The following NDRG3 variants were observed in gnomAD, a reference collection of about 807,000 sequenced individuals.
NDRG3 encodes the protein protein NDRG3.
NDRG3 carries 23 observed loss-of-function variants against 57.2 expected under a neutral mutation model. The observed-to-expected ratio is 0.40, with a 90% CI of 0.29 to 0.57. The LOEUF (loss-of-function observed/expected upper bound fraction) is 0.57. Ranked by LOEUF, NDRG3 falls within the 20% of genes least tolerant of loss-of-function variation. The pLI, the probability that NDRG3 is intolerant of heterozygous loss-of-function variation, is 0.42. For missense variants in NDRG3, 384 were observed against 457.3 expected (o/e 0.84, Z 1.46); for synonymous variants, 132 against 162.6 (o/e 0.81, Z 1.43).
At chr20:36,721,930 T>C (rs1188487949) in intron 1 of NDRG3, 147 bp from the exon 2 acceptor site, 10 of 538,988 alleles carry the variant, frequency 1.9e-5, no homozygotes, top group Admixed American at 3.5e-5. Context: ...TTACGGCAGA[T>C]AGACACTAAC....
At chr20:36,688,887 C>G (rs970482583) in intron 3 of NDRG3, 103 bp from the exon 4 acceptor site, 1 of 811,232 alleles carries the variant, frequency 1.2e-6, no homozygotes, top group African/African-American at 1.7e-5. Context: ...CGAGCTGGGG[C>G]AGGACACATT....
rs147940381 is a variant in NDRG3, at chr20:36,695,879, CCT to C, written c.94-7097_94-7096del. ...CACACCCTATTCGTATACTCCCTCCCCTTTGAAAATCGCTAATAAAAACTTGC... is the reference window on the plus strand; with the variant it reads ...CACACCCTATTCGTATACTCCCTCCCTTGAAAATCGCTAATAAAAACTTGC... On this transcript the variant is annotated intron_variant, in intron 3 of 15. Coordinates refer to ENST00000349004, the MANE Select transcript of NDRG3 (RefSeq NM_032013.4). Among the ~76,000 whole-genome samples the C allele has an allele frequency of 6.5e-3, 984 of 152,250 alleles. 11 individuals carry two copies. Among genetic ancestry groups the C allele is most frequent in the African/African-American group, 0.022 (923 of 41,530 alleles).
Position 36,652,941 on chromosome 20 carries a change from C to T in NDRG3, c.*579G>A, listed in dbSNP as rs540751624. 9.2e-5 allele frequency: 14 copies of T among 152,538 alleles called. No homozygotes were observed. The highest frequency in any genetic ancestry group is 3.1e-4 in the African/African-American group (13 of 41,556). 9.4% of individuals were successfully genotyped at this position (152,538 alleles called of 1,614,324 possible). On this transcript the variant is annotated 3_prime_UTR_variant, in exon 16 of 16. Coordinates refer to ENST00000349004, the MANE Select transcript of NDRG3 (RefSeq NM_032013.4). The stretch of plus-strand genomic sequence containing the variant: ...CTACTGGTCACAATCAATCAATGGT[C>T]CAGACGGCAATTATGATTTTCCACA...
chr20:36,698,605 A>G (rs78935197), intron 3 of NDRG3, among the ~76,000 whole-genome samples: 1 of 151,810 alleles, frequency 6.6e-6, no homozygotes, highest in Non-Finnish European at 1.5e-5. Context: ...TTATGTATTG[A>G]AAAAAAAGCC....
At chr20:36,715,002 G>GTA (rs1984161199) in intron 2 of NDRG3, among the ~76,000 whole-genome samples, 21 of 39,582 alleles carry the variant, frequency 5.3e-4, no homozygotes, top group East Asian at 1.2e-3. Flanking sequence ...GTGTGTGTGT[G>GTA]TGTGTATATA....
chr20:36,700,487 G>T (rs751642313), intron 3 of NDRG3: 2 of 531,994 alleles, frequency 3.8e-6, no homozygotes, highest in South Asian at 2.8e-5. Flanking sequence ...TGAACAGCTT[G>T]AAAAAAACTC....
chr20:36,739,134 C>CAA (rs57208101), intron 1 of NDRG3, among the ~76,000 whole-genome samples: 46 of 87,218 alleles, frequency 5.3e-4, no homozygotes, highest in Admixed American at 9.5e-4. Flanking sequence ...GACCCCATCT[C>CAA]AAAAAAAAAA....
intron 13 of NDRG3, among the ~76,000 whole-genome samples, chr20:36,658,941 T>C (rs1212283936): frequency 1.3e-5 from 2 of 151,180 alleles, no homozygotes; most frequent in African/African-American, 2.4e-5. Flanking sequence ...CAATATTAAA[T>C]CATGTTGACG....
chr20:36,712,824 G>C (rs1386786417), intron 2 of NDRG3, among the ~76,000 whole-genome samples: 3 of 151,476 alleles, frequency 2.0e-5, no homozygotes, highest in Non-Finnish European at 4.4e-5. Flanking sequence ...TCCAACTTCT[G>C]GGCTCAAGCA....
chr20:36,693,221 T>C (rs1982485716), intron 3 of NDRG3, among the ~76,000 whole-genome samples: 1 of 142,330 alleles, frequency 7.0e-6, no homozygotes, highest in Non-Finnish European at 1.5e-5. Context: ...TATATATGTA[T>C]ATACGTATAT....
chr20:36,722,500 G>A (rs781706617), intron 1 of NDRG3, among the ~76,000 whole-genome samples: 1 of 152,204 alleles, frequency 6.6e-6, no homozygotes, highest in Non-Finnish European at 1.5e-5. Flanking sequence ...TGGAGCACAC[G>A]TTTTAGTTAC....
chr20:36,672,069 TAAC>T (rs1225007678), intron 8 of NDRG3, among the ~76,000 whole-genome samples: 1 of 152,216 alleles, frequency 6.6e-6, no homozygotes, highest in South Asian at 2.1e-4. Flanking sequence ...AGGACTAACT[TAAC>T]AATCACTCCC....
intron 1 of NDRG3, among the ~76,000 whole-genome samples, chr20:36,744,393 G>C (rs556098600): frequency 1.5e-4 from 22 of 144,104 alleles, no homozygotes; most frequent in Non-Finnish European, 2.5e-4. Context: ...GTAATGAAAA[G>C]GGGGGGTGGA....
chr20:36,676,915 C>G (rs1406555664), intron 8 of NDRG3, among the ~76,000 whole-genome samples: 1 of 152,268 alleles, frequency 6.6e-6, no homozygotes, highest in East Asian at 1.9e-4. Flanking sequence ...CCCAGGCCTC[C>G]TGCTCTATGG....
chr20:36,711,928 C>T (rs1291542659), intron 2 of NDRG3, among the ~76,000 whole-genome samples: 2 of 152,096 alleles, frequency 1.3e-5, no homozygotes, highest in Non-Finnish European at 2.9e-5. Context: ...TATAGGCACC[C>T]GCCACTGCGC....
chr20:36,738,822 CAAAA>C (rs1158908616), intron 1 of NDRG3, among the ~76,000 whole-genome samples: 1 of 81,794 alleles, frequency 1.2e-5, no homozygotes, highest in Non-Finnish European at 2.5e-5. Flanking sequence ...AAAACTGTCT[CAAAA>C]AAAAAAAAAA....
At chr20:36,728,792 C>T (rs1236554653) in intron 1 of NDRG3, among the ~76,000 whole-genome samples, 2 of 151,904 alleles carry the variant, frequency 1.3e-5, no homozygotes, top group African/African-American at 4.8e-5. Context: ...GTGGCTCAAT[C>T]GCGGCTCACT....
intron 9 of NDRG3, among the ~76,000 whole-genome samples, 165 bp downstream of exon 9, chr20:36,671,176 A>G (rs1980118440): frequency 6.6e-6 from 1 of 152,188 alleles, no homozygotes; most frequent in South Asian, 2.1e-4. Context: ...TGTGGCAATG[A>G]GTTAAAGATT....
chr20:36,652,356 T>G lies in NDRG3; in HGVS notation c.*1164A>C, dbSNP rs950698780. The G allele has an allele frequency of 2.0e-5, 3 of 151,296 alleles. No homozygotes were observed. Among genetic ancestry groups the G allele is most frequent in the African/African-American group, 7.3e-5 (3 of 41,004 alleles). The allele number at this position is 151,296 out of a possible 1,614,324, so 9.4% of individuals were successfully genotyped here. ...TGAACCCAGGGGGCAGAGGTTGCAGTGAGCCAAGTTTGCGCCATTGCACTC... is the reference window on the plus strand; with the variant it reads ...TGAACCCAGGGGGCAGAGGTTGCAGGGAGCCAAGTTTGCGCCATTGCACTC... On this transcript the variant is annotated 3_prime_UTR_variant, in exon 16 of 16. Coordinates refer to ENST00000349004, the MANE Select transcript of NDRG3 (RefSeq NM_032013.4).
Sources: allele counts gnomAD v4.1 joint callset (sites outside exome capture counted in the v4.1 genomes callset), GRCh38; gene constraint gnomAD v4.1.1; transcripts MANE v1.5; gene names NCBI Gene and HGNC (gene_info 2026-07-23, HGNC 2026-07-21).